Variants in NRXN1 observed in about 807,000 individuals in gnomAD.
NRXN1 encodes the protein neurexin 1, also known as neurexin-1.
Under a neutral mutation model 150.9 loss-of-function variants are expected in NRXN1, and 39 were observed. The observed-to-expected ratio is 0.26, with a 90% CI of 0.20 to 0.34. The LOEUF (loss-of-function observed/expected upper bound fraction) is 0.34. Ranked by LOEUF, NRXN1 falls within the 10% of genes least tolerant of loss-of-function variation. The pLI is 1.00. For missense variants in NRXN1, 1,815 were observed against 1,949.9 expected, an observed-to-expected ratio of 0.93 and a Z score of 1.30; for synonymous variants, 924 against 757.0, an observed-to-expected ratio of 1.22 and a Z score of -3.62.
chr2:50,810,106 T>C (rs1206937884), intron 5 of NRXN1, among the ~76,000 whole-genome samples: 2 of 152,180 alleles, frequency 1.3e-5, no homozygotes, highest in African/African-American at 4.8e-5. Flanking sequence ...CCTCTGTTGT[T>C]GATAAATTTA....
At chr2:50,199,036 G>A (rs967243180) in intron 18 of NRXN1, 10 of 152,120 alleles carry the variant, frequency 6.6e-5, no homozygotes, top group African/African-American at 2.4e-4. Context: ...CTGAGGACCT[G>A]ATCAAGTGAA....
intron 8 of NRXN1, among the ~76,000 whole-genome samples, chr2:50,580,430 T>G (rs1352477347): frequency 6.6e-6 from 1 of 151,746 alleles, no homozygotes; most frequent in African/African-American, 2.4e-5. Context: ...TGGTGTTAAT[T>G]AACTAAGGTC....
At chr2:50,987,903 G>A (rs918460608) in intron 2 of NRXN1, among the ~76,000 whole-genome samples, 9 of 152,000 alleles carry the variant, frequency 5.9e-5, no homozygotes, top group Admixed American at 2.0e-4. Flanking sequence ...TTTTTTGGAC[G>A]TTATTCCAAT....
chr2:50,106,465 G>T (rs1442293526), intron 18 of NRXN1, among the ~76,000 whole-genome samples: 1 of 151,964 alleles, frequency 6.6e-6, no homozygotes, highest in Admixed American at 6.6e-5. Flanking sequence ...AGCTTTGGTT[G>T]CACTGCAATT....
intron 2 of NRXN1, among the ~76,000 whole-genome samples, chr2:50,942,488 C>A (rs957441612): frequency 1.3e-5 from 2 of 152,170 alleles, no homozygotes; most frequent in African/African-American, 2.4e-5. Flanking sequence ...CCATACCCTA[C>A]AGAGCCATGG....
chr2:50,337,642 A>G (rs1437217496), intron 17 of NRXN1, among the ~76,000 whole-genome samples: 1 of 152,226 alleles, frequency 6.6e-6, no homozygotes, highest in East Asian at 1.9e-4. Flanking sequence ...TTGGCCATTT[A>G]CTACCATTTT....
chr2:50,894,733 A>G (rs1265585424), intron 5 of NRXN1, among the ~76,000 whole-genome samples: 1 of 152,168 alleles, frequency 6.6e-6, no homozygotes, highest in Admixed American at 6.5e-5. Context: ...AAATCAACAA[A>G]AAGTATATGT....
chr2:50,015,516 C>CAAAAAAAAAAAAAAAAA (rs34466037), intron 21 of NRXN1, among the ~76,000 whole-genome samples: 1 of 31,288 alleles, frequency 3.2e-5, no homozygotes, highest in Non-Finnish European at 6.0e-5. Context: ...GGATTTCTGC[C>CAAAAAAAAAAAAAAAAA]AAAAAAAAAA....
At chr2:50,153,888 G>T (rs575180267) in intron 18 of NRXN1, among the ~76,000 whole-genome samples, 1 of 151,612 alleles carries the variant, frequency 6.6e-6, no homozygotes, top group Non-Finnish European at 1.5e-5. Context: ...CAGGTCTCTG[G>T]TATTTGACAC....
intron 19 of NRXN1, among the ~76,000 whole-genome samples, chr2:50,072,583 G>T (rs1365107843): frequency 1.3e-5 from 2 of 148,396 alleles, no homozygotes; most frequent in South Asian, 2.1e-4. Context: ...GTTTTGTGAG[G>T]CTTGCTAAAT....
In NRXN1 at chr2:50,014,955, T is replaced by C. The variant is rs144040950; in HGVS notation, c.4128+38316A>G. Among the ~76,000 whole-genome samples the C allele has an allele frequency of 8.3e-3, 1,264 of 152,296 alleles. 16 individuals are homozygous for C. Among genetic ancestry groups the C allele is most frequent in the African/African-American group, 0.029 (1,188 of 41,554 alleles). On this transcript the variant is annotated intron_variant, in intron 21 of 22. Transcript: ENST00000401669. ...GTGTAGTCAAGACTTCTGTCTTTTG[T>C]TTTGCAATTTATCAAAAGGCTGACT...
At chr2:51,013,675 G>A (rs1668241680) in intron 2 of NRXN1, among the ~76,000 whole-genome samples, 1 of 152,012 alleles carries the variant, frequency 6.6e-6, no homozygotes, top group African/African-American at 2.4e-5. Context: ...ACTAGCAGTT[G>A]TCTATTTAAG....
chr2:51,021,745 T>C, intron 2 of NRXN1, among the ~76,000 whole-genome samples: 1 of 152,168 alleles, frequency 6.6e-6, no homozygotes, highest in East Asian at 1.9e-4. Flanking sequence ...ATACTAAAAC[T>C]ATTAAAACTT....
At chr2:50,656,439 A>C (rs886682924) in intron 5 of NRXN1, 4 of 764,702 alleles carry the variant, frequency 5.2e-6, no homozygotes, top group Non-Finnish European at 9.7e-6. Flanking sequence ...TTCTAGAAGT[A>C]TCAAGTTTCT....
intron 17 of NRXN1, among the ~76,000 whole-genome samples, chr2:50,315,922 G>T (rs954073053): frequency 6.6e-6 from 1 of 152,012 alleles, no homozygotes; most frequent in African/African-American, 2.4e-5. Context: ...AAAGTTTAAA[G>T]AATTTCGGGA....
At chr2:50,327,742 C>T (rs528601942) in intron 17 of NRXN1, among the ~76,000 whole-genome samples, 3 of 151,830 alleles carry the variant, frequency 2.0e-5, no homozygotes, top group Non-Finnish European at 4.4e-5. Context: ...CTCTGCCTCC[C>T]ACGTTCAAGG....
At chr2:50,777,387 C>T (rs897017711) in intron 5 of NRXN1, among the ~76,000 whole-genome samples, 1 of 151,964 alleles carries the variant, frequency 6.6e-6, no homozygotes, top group African/African-American at 2.4e-5. Flanking sequence ...TATGAATGTA[C>T]CAGGGCTAGC....
rs1339302775 is a variant in NRXN1, at chr2:50,347,131, C to A, written c.3365-110161G>T. On this transcript the variant is annotated intron_variant, in intron 17 of 22. Coordinates refer to ENST00000401669, the MANE Select transcript of NRXN1 (RefSeq NM_001330078.2). The surrounding 1 kb of genome is among the most constrained non-coding windows in gnomAD (Gnocchi z 4.9). ...TCTCGGGGTCCTGGAGTCCGCCGTG[C>A]CTAGCACCCCAAACAATCCGAAACA... The A allele has an allele frequency of 7.2e-7, 1 of 1,383,870 alleles. No individual in the cohort carries two copies. Among genetic ancestry groups the A allele is most frequent in the Admixed American group, 2.2e-5 (1 of 46,388 alleles). The allele number at this position is 1,383,870 out of a possible 1,614,324, so 85.7% of individuals were successfully genotyped here.
At chr2:50,420,360 C>G (rs2083884775) in intron 17 of NRXN1, among the ~76,000 whole-genome samples, 1 of 151,728 alleles carries the variant, frequency 6.6e-6, no homozygotes, top group African/African-American at 2.4e-5. Context: ...CCTGGTTTTG[C>G]AAATAAAGTT....
Sources: gnomAD v4.1 joint callset for allele counts (sites outside exome capture counted in the v4.1 genomes callset) on GRCh38, gnomAD v4.1.1 for gene constraint, Gnocchi (gnomAD v3.1) non-coding constraint, MANE v1.5 for transcripts, NCBI Gene and HGNC (gene_info 2026-07-23, HGNC 2026-07-21) for gene names.